Variants in ANKRD45 observed in about 807,000 individuals in gnomAD.
The protein encoded by ANKRD45 is ankyrin repeat domain 45.
A neutral mutation model predicts 28.1 loss-of-function variants in ANKRD45; 21 were observed. The observed-to-expected ratio is 0.75, with a 90% CI of 0.53 to 1.08. The LOEUF is 1.08. ANKRD45 is among the 50% of genes least tolerant of loss of function. ANKRD45 has a pLI of 0.00. For missense variants in ANKRD45, 261 were observed against 308.7 expected (o/e 0.85, Z 1.16); for synonymous variants, 86 against 103.9 (o/e 0.83, Z 1.05).
At chr1:173,686,225 T>C in the ANKRD45 span, among the ~76,000 whole-genome samples, 13 of 152,212 alleles carry the variant, frequency 8.5e-5, no homozygotes, top group East Asian at 2.1e-3. Context: ...ATGCAATAGT[T>C]CGAGGCAAAA....
chr1:173,691,846 G>A, the ANKRD45 span, among the ~76,000 whole-genome samples: 4,173 of 152,262 alleles, frequency 0.027, 206 homozygotes, highest in African/African-American at 0.096. Context: ...AATGGTGAGC[G>A]CACACTTGGA....
the ANKRD45 span, among the ~76,000 whole-genome samples, chr1:173,709,215 G>C: frequency 3.9e-5 from 6 of 152,164 alleles, no homozygotes; most frequent in Admixed American, 2.0e-4. Flanking sequence ...ACTGGGAAAA[G>C]ATTCACTTCC....
In ANKRD45 at chr1:173,624,917, G is replaced by A. The variant is rs1481577910; in HGVS notation, c.600C>T (p.Ile200=). 2 of 1,612,710 alleles carry A rather than the reference G, an allele frequency of 1.2e-6. No individual in the cohort carries two copies. The highest frequency in any genetic ancestry group is 1.3e-5 in the African/African-American group (1 of 74,844). Residue 200 remains isoleucine, a synonymous_variant, in exon 5 of 6, where the codon ATC becomes ATT. Transcript: ENST00000333279. ...CATTTTTTGCACGGCATGCACTGAG[G>A]ATGGTATTCTAGGGACAGAAATACA... is the stretch of plus-strand genomic sequence containing the variant. ...GKLLKEDKNT[I]LSACRAKNEW... is the part of the protein sequence containing the mutation.
At chr1:173,700,101 A>C in the ANKRD45 span, among the ~76,000 whole-genome samples, 6 of 152,204 alleles carry the variant, frequency 3.9e-5, no homozygotes, top group Admixed American at 3.9e-4. Context: ...ATGCCTAGGA[A>C]TCTAACTTAC....
the ANKRD45 span, among the ~76,000 whole-genome samples, chr1:173,709,067 C>T: frequency 6.6e-6 from 1 of 152,238 alleles, no homozygotes; most frequent in Non-Finnish European, 1.5e-5. Flanking sequence ...TCATGCCACT[C>T]TCCCAAGTGC....
intron 3 of ANKRD45, among the ~76,000 whole-genome samples, chr1:173,629,824 A>C (rs998200329): frequency 1.3e-5 from 2 of 152,228 alleles, no homozygotes; most frequent in African/African-American, 2.4e-5. Context: ...AGATTATAGA[A>C]CACCAAGCAG....
chr1:173,632,377 C>G (rs1002619111), intron 3 of ANKRD45, among the ~76,000 whole-genome samples: 8 of 151,826 alleles, frequency 5.3e-5, no homozygotes, highest in Non-Finnish European at 1.2e-4. Context: ...GCCCAGGACC[C>G]AATAGCTTCA....
the ANKRD45 span, among the ~76,000 whole-genome samples, chr1:173,701,064 A>T: frequency 6.6e-6 from 1 of 152,278 alleles, no homozygotes; most frequent in Non-Finnish European, 1.5e-5. Flanking sequence ...AGACACATGA[A>T]AAAATGCTCA....
intron 1 of ANKRD45, chr1:173,669,450 A>G: frequency 2.2e-6 from 1 of 455,554 alleles, no homozygotes. Flanking sequence ...AAGGAGAAGG[A>G]CCCCAAGGGC....
At chr1:173,708,576 C>G in the ANKRD45 span, among the ~76,000 whole-genome samples, 31 of 152,288 alleles carry the variant, frequency 2.0e-4, no homozygotes, top group African/African-American at 7.2e-4. Flanking sequence ...AGGTATTTTG[C>G]TACAGAAGCA....
At chr1:173,633,475 C>A (rs1048401568) in intron 3 of ANKRD45, among the ~76,000 whole-genome samples, 2 of 146,664 alleles carry the variant, frequency 1.4e-5, no homozygotes, top group Non-Finnish European at 3.1e-5. Context: ...ACATGCTTCA[C>A]AGAAATAGAA....
rs78287597 is a variant in ANKRD45, at chr1:173,625,247, G to A, written c.592-322C>T. On this transcript the variant is annotated intron_variant, in intron 4 of 5. Coordinates refer to ENST00000333279, the MANE Select transcript of ANKRD45 (RefSeq NM_198493.3). ...TATGAGCACAATAAAACTCACCATC[G>A]AGAGTCATGAAGCCTGGTACCATTC... is the stretch of plus-strand genomic sequence containing the variant. 8.6e-3 allele frequency among the ~76,000 whole-genome samples: 1,309 copies of A among 152,100 alleles called. 17 individuals carry two copies. Among genetic ancestry groups the A allele is most frequent in the African/African-American group, 0.029 (1,222 of 41,520 alleles).
chr1:173,613,682 C>T (rs1339850550), intron 5 of ANKRD45, among the ~76,000 whole-genome samples: 1 of 135,584 alleles, frequency 7.4e-6, no homozygotes, highest in Admixed American at 6.6e-5. Flanking sequence ...CCGCCCCGTC[C>T]GGGAGGTTGG....
chr1:173,641,702 G>C (rs1668708196), intron 3 of ANKRD45, among the ~76,000 whole-genome samples: 1 of 152,136 alleles, frequency 6.6e-6, no homozygotes, highest in Admixed American at 6.5e-5. Flanking sequence ...GTAAAAACAA[G>C]ACACTGCAGG....
chr1:173,667,037 G>A lies in ANKRD45; in HGVS notation c.-16+2780C>T, dbSNP rs77021182. 5.5e-3 allele frequency among the ~76,000 whole-genome samples: 844 copies of A among 152,234 alleles called. 6 individuals are homozygous for A. The highest frequency in any genetic ancestry group is 0.017 in the African/African-American group (727 of 41,556). ...GCTGAGATTACAAGTGTGAGCCACC[G>A]TGCCCAGCTGCAATTTGCATTTTAG... On this transcript the variant is annotated intron_variant, in intron 1 of 5. Transcript: ENST00000333279.
At chr1:173,704,156 G>A in the ANKRD45 span, among the ~76,000 whole-genome samples, 1 of 152,184 alleles carries the variant, frequency 6.6e-6, no homozygotes. Flanking sequence ...CTAGGGAGGA[G>A]AGGGCCACTT....
At chr1:173,683,967 C>A in the ANKRD45 span, among the ~76,000 whole-genome samples, 1 of 152,152 alleles carries the variant, frequency 6.6e-6, no homozygotes, top group Non-Finnish European at 1.5e-5. Flanking sequence ...CTGTGTCATT[C>A]CCCTATTGGC....
In ANKRD45 at chr1:173,626,784, A is replaced by T. The variant is rs182266260; in HGVS notation, c.591+281T>A. 7.5e-3 allele frequency among the ~76,000 whole-genome samples: 1,138 copies of T among 152,014 alleles called. 12 individuals are homozygous for T. Among genetic ancestry groups the T allele is most frequent in the African/African-American group, 0.024 (1,015 of 41,472 alleles). ...TATGTAGTCTTTGATAATTTTTTTTACTCAATATTACATTTCTAAGATTCA... is the reference window on the plus strand; with the variant it reads ...TATGTAGTCTTTGATAATTTTTTTTTCTCAATATTACATTTCTAAGATTCA... On this transcript the variant is annotated intron_variant, in intron 4 of 5. Transcript: ENST00000333279.
chr1:173,655,803 A>G (rs1207123900), intron 2 of ANKRD45, among the ~76,000 whole-genome samples: 1 of 152,242 alleles, frequency 6.6e-6, no homozygotes, highest in Non-Finnish European at 1.5e-5. Flanking sequence ...CTCAAGCCTC[A>G]GCAATGGCAG....
Sources: allele counts gnomAD v4.1 joint callset (sites outside exome capture counted in the v4.1 genomes callset), GRCh38; gene constraint gnomAD v4.1.1; transcripts MANE v1.5; gene names NCBI Gene and HGNC (gene_info 2026-07-23, HGNC 2026-07-21).